The following LRRC37B variants were observed in gnomAD, a reference collection of about 807,000 sequenced individuals.
LRRC37B encodes the protein leucine-rich repeat-containing protein 37B.
A neutral mutation model predicts 98.3 loss-of-function variants in LRRC37B; 28 were observed. The observed-to-expected ratio is 0.28, with a 90% CI of 0.21 to 0.39. The LOEUF is 0.39. Among genes scored for constraint, LRRC37B ranks in the 10% least tolerant of loss-of-function variants. LRRC37B has a pLI of 1.00. For missense variants in LRRC37B, 938 were observed against 1,182.7 expected (o/e 0.79, Z 3.03); for synonymous variants, 364 against 442.7 (o/e 0.82, Z 2.23).
exon 1 of LRRC37B, chr17:32,022,131 C>A: frequency 1.2e-6 from 2 of 1,613,750 alleles, no homozygotes; most frequent in Non-Finnish European, 1.7e-6. Context: ...AGTTCAACCT[C>A]CAGGTGAGGA....
Position 32,022,809 on chromosome 17 carries a change from G to A in LRRC37B, c.1744G>A (p.Gly582Ser), listed in dbSNP as rs1910841599. Residue 582 changes from glycine to serine, a missense_variant, in exon 1 of 12, where the codon GGC (glycine) becomes AGC (serine). This residue lies in a region of LRRC37B where 328 missense variants were observed against 557.0 expected (regional missense o/e 0.59). Coordinates refer to ENST00000327564, the Ensembl canonical transcript of LRRC37B. ...TGTGCCAGAGCCCGACACCTACAAT[G>A]GCATCTTCACCACCTTGTAAGAATC... 3 of 1,613,714 alleles carry A rather than the reference G, an allele frequency of 1.9e-6. No individual in the cohort carries two copies. Among genetic ancestry groups the A allele is most frequent in the African/African-American group, 2.7e-5 (2 of 74,934 alleles).
chr17:32,024,227 C>G (rs1910881593), intron 1 of LRRC37B, among the ~76,000 whole-genome samples: 1 of 151,754 alleles, frequency 6.6e-6, no homozygotes, highest in African/African-American at 2.4e-5. Context: ...TGTGAAGGGG[C>G]TAAATCAGAT....
upstream of LRRC37B, chr17:32,016,956 TTGAAGATAACTTC>T (rs1910658164): frequency 3.3e-5 from 5 of 152,212 alleles, no homozygotes; most frequent in Admixed American, 2.6e-4. Flanking sequence ...GTAGCAAAAT[TTGAAGATAACTTC>T]TGGAATTTCA....
chr17:32,040,314 C>T (rs367684875), intron 7 of LRRC37B: 6,497 of 338,910 alleles, frequency 0.019, 98 homozygotes, highest in South Asian at 0.027. Flanking sequence ...CTCGAGGTGG[C>T]CCCGGGGCAG....
exon 1 of LRRC37B, chr17:32,021,853 G>C: frequency 6.2e-7 from 1 of 1,614,192 alleles, no homozygotes; most frequent in Non-Finnish European, 8.5e-7. Context: ...TATCCCGGCA[G>C]CCTACCTCCA....
chr17:32,042,027 C>A, intron 7 of LRRC37B: 1 of 351,598 alleles, frequency 2.8e-6, no homozygotes, highest in Non-Finnish European at 5.7e-6. Context: ...TGGCGATGAA[C>A]CCTAGCCCCA....
intron 1 of LRRC37B, among the ~76,000 whole-genome samples, chr17:32,011,237 C>T (rs908981006): frequency 2.6e-5 from 4 of 152,146 alleles, no homozygotes; most frequent in Non-Finnish European, 5.9e-5. Context: ...CCTCGTGATC[C>T]GCCTGCCTCA....
intron 9 of LRRC37B, chr17:32,048,123 C>A (rs2627100): frequency 2.6e-5 from 24 of 917,990 alleles, no homozygotes; most frequent in South Asian, 1.2e-4. Flanking sequence ...ATTTAAAAAC[C>A]AAATATTTGA....
upstream of LRRC37B, among the ~76,000 whole-genome samples, chr17:32,017,403 T>C (rs1910667734): frequency 6.6e-6 from 1 of 152,258 alleles, no homozygotes; most frequent in Non-Finnish European, 1.5e-5. Context: ...TTGAACATTT[T>C]TGTGTCCACA....
intron 3 of LRRC37B, among the ~76,000 whole-genome samples, chr17:32,029,136 C>G (rs507774): frequency 0.025 from 3,741 of 151,894 alleles, 61 homozygotes; most frequent in Non-Finnish European, 0.036. Flanking sequence ...CGAGTAGCTG[C>G]AACTACAGGC....
chr17:32,007,543 A>C (rs1196705036), upstream of LRRC37B, among the ~76,000 whole-genome samples: 6 of 106,266 alleles, frequency 5.6e-5, no homozygotes, highest in South Asian at 7.1e-4. This position sits in a 1 kb window ranked among gnomAD's most constrained non-coding sequence, Gnocchi z 4.1. Flanking sequence ...GGCGCTCCCC[A>C]CCGCCGCCAC....
exon 1 of LRRC37B, chr17:32,021,584 A>G (rs1223028420): frequency 1.6e-5 from 26 of 1,614,136 alleles, no homozygotes; most frequent in Admixed American, 5.0e-5. Flanking sequence ...ACCAGGCCCT[A>G]GTTCAGCTTC....
chr17:32,047,349 G>T, intron 8 of LRRC37B: 1 of 245,052 alleles, frequency 4.1e-6, no homozygotes, highest in Non-Finnish European at 8.1e-6. Flanking sequence ...GCACACTGAG[G>T]ATGAGGAGAG....
At chr17:32,042,836 A>AC (rs1491097832) in intron 7 of LRRC37B, 2 of 2,200 alleles carry the variant, frequency 9.1e-4, no homozygotes, top group Non-Finnish European at 1.3e-3. Flanking sequence ...GTCTTTCTAC[A>AC]AAAAAAAAAA....
chr17:32,040,871 A>G (rs1348532290), intron 7 of LRRC37B: 12 of 850,504 alleles, frequency 1.4e-5, no homozygotes, highest in Non-Finnish European at 1.6e-5. Context: ...TGTGTGAGAA[A>G]GACCTGAAGG....
intron 3 of LRRC37B, among the ~76,000 whole-genome samples, chr17:32,030,028 G>A (rs957312524): frequency 1.4e-4 from 22 of 151,980 alleles, no homozygotes; most frequent in African/African-American, 5.1e-4. Flanking sequence ...GCCAGACAAC[G>A]TTACACCATC....
intron 5 of LRRC37B, among the ~76,000 whole-genome samples, chr17:32,032,635 G>A (rs544242520): frequency 6.6e-6 from 1 of 152,230 alleles, no homozygotes; most frequent in East Asian, 1.9e-4. Flanking sequence ...GTAGAGGGAG[G>A]TGTTCAGGAT....
chr17:32,038,195 C>T (rs1231179889), intron 7 of LRRC37B, among the ~76,000 whole-genome samples: 2 of 151,916 alleles, frequency 1.3e-5, no homozygotes, highest in Non-Finnish European at 2.9e-5. Context: ...TACAGTGGCT[C>T]ATGCCTATAA....
At chr17:32,041,906 G>A (rs1248030465) in intron 7 of LRRC37B, 2 of 446,036 alleles carry the variant, frequency 4.5e-6, no homozygotes, top group Non-Finnish European at 9.0e-6. Flanking sequence ...TGGGGGCCCA[G>A]CCCACAGCCT....
Sources: gnomAD v4.1 joint callset for allele counts (sites outside exome capture counted in the v4.1 genomes callset) on GRCh38, gnomAD v4.1.1 for gene constraint, gnomAD v4.1.1 regional missense constraint, Gnocchi (gnomAD v3.1) non-coding constraint, MANE v1.5 for transcripts, NCBI Gene and HGNC (gene_info 2026-07-23, HGNC 2026-07-21) for gene names.